SLC25A29: variants seen among roughly 807,000 people sequenced by gnomAD.
The protein encoded by SLC25A29 is solute carrier family 25 member 29.
In SLC25A29, 13 loss-of-function variants were observed where a neutral mutation model predicts 10.0. That is an observed-to-expected ratio of 1.30 (90% CI 0.85 to 2.07). The LOEUF is 2.07. SLC25A29 is among the 30% of genes most tolerant of loss of function. The probability of loss-of-function intolerance (pLI) is 0.00; values close to 1 mark genes in which losing one functional copy is unlikely to be tolerated. For synonymous variants in SLC25A29, 244 were observed against 221.1 expected (o/e 1.10, Z -0.92); for missense variants, 475 against 447.6 (o/e 1.06, Z -0.55).
In SLC25A29 at chr14:100,293,007, C is replaced by G; in HGVS notation, c.188G>C (p.Gly63Ala). Residue 63 changes from glycine to alanine, a missense_variant, in exon 4 of 4, where the codon GGC (glycine) becomes GCC (alanine). Gly to Ala is a moderately conservative substitution (Grantham distance 60). Transcript: ENST00000359232. ...GAAGGTGAGCCCCATGAGCGGCGAG[C>G]CCAGGCCCTTGTACAGGCCCAGCAC... ...ESVLGLYKGL[G>A]SPLMGLTFIN... The G allele has an allele frequency of 6.3e-7, 1 of 1,577,250 alleles. No homozygotes were observed. The highest frequency in any genetic ancestry group is 1.2e-5 in the South Asian group (1 of 85,740).
chr14:100,290,763 C>T (rs1228291926), downstream of SLC25A29, among the ~76,000 whole-genome samples: 2 of 152,208 alleles, frequency 1.3e-5, no homozygotes, highest in Non-Finnish European at 2.9e-5. Context: ...TGGTCAGCTC[C>T]ACTCAGACCT....
downstream of SLC25A29, among the ~76,000 whole-genome samples, chr14:100,288,684 T>C (rs969774710): frequency 1.3e-5 from 2 of 151,042 alleles, no homozygotes; most frequent in African/African-American, 4.9e-5. Context: ...GCTGCTGCTC[T>C]TCCTCTAGGA....
At chr14:100,281,266 A>T in the SLC25A29 span, 1 of 151,518 alleles carries the variant, frequency 6.6e-6, no homozygotes, top group Non-Finnish European at 1.5e-5. Context: ...TTGACATCTG[A>T]CCCCCAGCAA....
At chr14:100,283,728 G>C in the SLC25A29 span, among the ~76,000 whole-genome samples, 4 of 151,888 alleles carry the variant, frequency 2.6e-5, no homozygotes, top group African/African-American at 9.7e-5. Flanking sequence ...CAATCCACCC[G>C]CCTCGGCCTC....
At chr14:100,285,425 G>T in the SLC25A29 span, among the ~76,000 whole-genome samples, 1 of 151,622 alleles carries the variant, frequency 6.6e-6, no homozygotes, top group East Asian at 1.9e-4. Context: ...CCGCAGGAGG[G>T]CACTGTGCCA....
At chr14:100,286,461 G>C (rs1415004026), downstream of SLC25A29, among the ~76,000 whole-genome samples, 1 of 91,330 alleles carries the variant, frequency 1.1e-5, no homozygotes, top group African/African-American at 3.9e-5. Context: ...TGGCCTGGCA[G>C]AGCATGGCTG....
intron 1 of SLC25A29, among the ~76,000 whole-genome samples, chr14:100,304,603 C>G (rs926900604): frequency 6.6e-6 from 1 of 151,810 alleles, no homozygotes; most frequent in East Asian, 1.9e-4. Flanking sequence ...AGTGCTACAG[C>G]ACCAGACAGT....
At chr14:100,282,374 G>A in the SLC25A29 span, 4 of 152,214 alleles carry the variant, frequency 2.6e-5, no homozygotes, top group East Asian at 7.7e-4. Context: ...TGCTCTCTCT[G>A]GGGGCCGCAC....
intron 1 of SLC25A29, chr14:100,299,272 T>C: frequency 9.5e-7 from 1 of 1,047,596 alleles, no homozygotes; most frequent in Non-Finnish European, 1.2e-6. Flanking sequence ...CCAGAGATGT[T>C]GGACTTTGGG....
At chr14:100,299,485 G>A (rs74787362) in intron 1 of SLC25A29, 18,587 of 987,100 alleles carry the variant, frequency 0.019, 201 homozygotes, top group Middle Eastern at 0.021. Context: ...TGATACCTCC[G>A]TCCCCTTCCC....
chr14:100,293,029 G>A lies in SLC25A29; in HGVS notation c.166C>T (p.Leu56=). 3 of 1,539,144 alleles carry A rather than the reference G, an allele frequency of 1.9e-6. No individual in the cohort carries two copies. Among genetic ancestry groups the A allele is most frequent in the Non-Finnish European group, 2.6e-6 (3 of 1,146,078 alleles). The change falls in exon 4 of 4, where the codon CTG becomes TTG. Residue 56 remains leucine, a synonymous_variant. Coordinates refer to ENST00000359232, the MANE Select transcript of SLC25A29 (RefSeq NM_001039355.3). Reference sequence around the variant, plus strand: ...GAGCCCAGGCCCTTGTACAGGCCCAGCACCTGCGGGGACAGAGACGCCATC... The same window carrying A: ...GAGCCCAGGCCCTTGTACAGGCCCAACACCTGCGGGGACAGAGACGCCATC... ...FKSIIKQESV[L]GLYKGLGSPL... is the part of the protein sequence containing the mutation.
rs1182762415 is a variant in SLC25A29 at position 100,293,312 on chromosome 14, G to A, written c.144C>T (p.Ser48=). 1 of 1,613,362 alleles carries A rather than the reference G, an allele frequency of 6.2e-7. No individual in the cohort carries two copies. The highest frequency in any genetic ancestry group is 2.2e-5 in the East Asian group (1 of 44,882). Residue 48 remains serine (S), a synonymous_variant, in exon 3 of 4, where the codon TCC becomes TCT. Coordinates refer to ENST00000359232, the MANE Select transcript of SLC25A29 (RefSeq NM_001039355.3). ...CACTCACGCTCTCTTGCTTGATGAT[G>A]GACTTGAAGCAGTGCAACGTCCCGC... ...QYRGTLHCFK[S]IIKQESVLGL...
the SLC25A29 span, among the ~76,000 whole-genome samples, chr14:100,283,874 TTTTA>T: frequency 1.3e-5 from 2 of 151,920 alleles, no homozygotes; most frequent in African/African-American, 4.8e-5. Flanking sequence ...TAATTTTTTA[TTTTA>T]TTTATTTATT....
At chr14:100,289,020 A>G (rs559598613), downstream of SLC25A29, among the ~76,000 whole-genome samples, 14 of 152,328 alleles carry the variant, frequency 9.2e-5, no homozygotes, top group African/African-American at 3.1e-4. Flanking sequence ...GGAGACACAG[A>G]CACACAGGAG....
At chr14:100,295,325 C>T (rs1320991620) in intron 2 of SLC25A29, 3 of 253,654 alleles carry the variant, frequency 1.2e-5, no homozygotes, top group African/African-American at 4.5e-5. Flanking sequence ...CTTGGGGTGC[C>T]AGGCTCTCCT....
intron 2 of SLC25A29, chr14:100,295,545 G>A (rs1341194843): frequency 9.5e-6 from 12 of 1,258,242 alleles, no homozygotes; most frequent in Admixed American, 7.1e-5. Context: ...CCCCTGCTAC[G>A]GAGGGAACTC....
chr14:100,287,865 A>G (rs965032239), downstream of SLC25A29, among the ~76,000 whole-genome samples: 2 of 152,264 alleles, frequency 1.3e-5, no homozygotes, highest in Middle Eastern at 3.4e-3. Context: ...TGACAGGAAT[A>G]GTGTGCTGAA....
chr14:100,299,381 G>A, intron 1 of SLC25A29: 1 of 1,000,392 alleles, frequency 1.0e-6, no homozygotes, highest in African/African-American at 1.7e-5. Context: ...GGCCTTACCT[G>A]TAAAGGTTTA....
chr14:100,293,439 C>A, intron 2 of SLC25A29, 62 bp from the exon 3 acceptor site: 1 of 1,515,032 alleles, frequency 6.6e-7, no homozygotes, highest in South Asian at 1.2e-5. Context: ...GCTCCCGGGT[C>A]TGGTGCTTAG....
Sources: gnomAD v4.1 joint callset for allele counts (sites outside exome capture counted in the v4.1 genomes callset) on GRCh38, gnomAD v4.1.1 for gene constraint, MANE v1.5 for transcripts, NCBI Gene and HGNC (gene_info 2026-07-23, HGNC 2026-07-21) for gene names.